Variants in CST8 observed in about 807,000 individuals in gnomAD.
CST8 encodes cystatin 8.
CST8 carries 20 observed loss-of-function variants against 11.8 expected under a neutral mutation model. The observed-to-expected ratio is 1.70, with a 90% confidence interval of 1.20 to 2.47. The LOEUF is 2.47. Among genes scored for constraint, CST8 ranks in the 30% most tolerant of loss-of-function variants. The pLI, the probability that CST8 is intolerant of heterozygous loss-of-function variation, is 0.00. For synonymous variants in CST8, 77 were observed against 63.1 expected (o/e 1.22, Z -1.05); for missense variants, 196 against 167.2 (o/e 1.17, Z -0.95).
At chr20:23,492,879 A>G in intron 2 of CST8, 79 bp from the exon 3 acceptor site, 2 of 842,528 alleles carry the variant, frequency 2.4e-6, no homozygotes, top group Admixed American at 1.8e-5. Flanking sequence ...GACGAGAGTA[A>G]GAGTAATTTT....
chr20:23,503,898 C>A, the CST8 span, among the ~76,000 whole-genome samples: 1 of 152,182 alleles, frequency 6.6e-6, no homozygotes, highest in African/African-American at 2.4e-5. Context: ...AAGGAGGATG[C>A]ACGCTCAGAG....
rs1987888023 is a variant in CST8 at position 23,491,718 on chromosome 20, C to A, written c.51C>A (p.Ala17=). Residue 17 remains alanine, a synonymous_variant, in exon 2 of 4, where the codon GCC becomes GCA. Coordinates refer to ENST00000246012, the MANE Select transcript of CST8 (RefSeq NM_005492.4). ...LSLILLTIPL[A]LVARKDPKKN... ...TGATCCTCCTCACCATTCCCCTGGC[C>A]CTGGTGGCCAGGAAAGACCCAAAAA... 1.9e-6 allele frequency: 3 copies of A among 1,613,856 alleles called. No individual in the cohort carries two copies. Among genetic ancestry groups the A allele is most frequent in the Admixed American group, 1.7e-5 (1 of 59,998 alleles).
At chr20:23,497,264 T>C (rs1988071185), downstream of CST8, among the ~76,000 whole-genome samples, 1 of 152,268 alleles carries the variant, frequency 6.6e-6, no homozygotes, top group South Asian at 2.1e-4. Context: ...TCTTCTGCCA[T>C]GGCTTCAGCC....
intron 2 of CST8, 82 bp from the exon 3 acceptor site, chr20:23,492,876 G>GT (rs1987929985): frequency 1.2e-6 from 1 of 837,806 alleles, no homozygotes; most frequent in African/African-American, 1.7e-5. Context: ...AAGGACGAGA[G>GT]TAAGAGTAAT....
the CST8 span, among the ~76,000 whole-genome samples, chr20:23,504,070 C>T: frequency 6.6e-6 from 1 of 152,222 alleles, no homozygotes; most frequent in South Asian, 2.1e-4. Context: ...AAAAAAGAAA[C>T]TTTTAATCTG....
chr20:23,505,091 G>A, the CST8 span, among the ~76,000 whole-genome samples: 1 of 150,810 alleles, frequency 6.6e-6, no homozygotes, highest in South Asian at 2.1e-4. Context: ...TGACCGTAAC[G>A]CACCCCTAGA....
At chr20:23,506,836 A>G in the CST8 span, among the ~76,000 whole-genome samples, 2 of 152,014 alleles carry the variant, frequency 1.3e-5, no homozygotes, top group Non-Finnish European at 2.9e-5. Context: ...AACTTGTTTC[A>G]TTGAGGATTT....
Position 23,492,967 on chromosome 20 carries a change from C to G in CST8, c.241C>G (p.Leu81Val). The G allele has an allele frequency of 6.3e-7, 1 of 1,595,178 alleles. No individual in the cohort carries two copies. The highest frequency in any genetic ancestry group is 8.6e-7 in the Non-Finnish European group (1 of 1,163,060). Residue 81 changes from leucine to valine, a missense_variant, in exon 3 of 4, where the codon CTT (leucine) becomes GTT (valine). Coordinates refer to ENST00000246012, the MANE Select transcript of CST8 (RefSeq NM_005492.4). ...TLQAQLQVTN[L>V]LEYLIDVEIA... Reference sequence around the variant, plus strand: ...AATTGCTAACCAACAGGTCACAAATCTTCTGGAATACCTTATTGATGTAGA... The same window carrying G: ...AATTGCTAACCAACAGGTCACAAATGTTCTGGAATACCTTATTGATGTAGA...
chr20:23,500,584 C>T (rs561142107), downstream of CST8, among the ~76,000 whole-genome samples: 269 of 152,312 alleles, frequency 1.8e-3, no homozygotes, highest in African/African-American at 6.0e-3. Context: ...CCTTCTCCTA[C>T]GTGGTTGGTA....
At chr20:23,500,926 G>T (rs539535980), downstream of CST8, among the ~76,000 whole-genome samples, 7 of 152,296 alleles carry the variant, frequency 4.6e-5, no homozygotes, top group Admixed American at 3.3e-4. Context: ...TTGGAAAAAG[G>T]CAGAGGGAGA....
downstream of CST8, among the ~76,000 whole-genome samples, chr20:23,497,655 G>A (rs886740517): frequency 3.3e-5 from 5 of 152,188 alleles, no homozygotes; most frequent in East Asian, 5.8e-4. Context: ...TCACAATCAC[G>A]GCAGAAGGTG....
chr20:23,499,776 A>G (rs1411908562), downstream of CST8, among the ~76,000 whole-genome samples: 1 of 152,184 alleles, frequency 6.6e-6, no homozygotes, highest in East Asian at 1.9e-4. Flanking sequence ...TCAGCTGAGG[A>G]CAATCTTGGG....
chr20:23,495,706 A>G, intron 3 of CST8, 125 bp from the exon 4 acceptor site: 1 of 703,256 alleles, frequency 1.4e-6, no homozygotes, highest in Non-Finnish European at 2.4e-6. Flanking sequence ...AGCTCGCTCG[A>G]GAGTGGTGAC....
In CST8 at chr20:23,491,848, G is replaced by A. The variant is rs146240379; in HGVS notation, c.181G>A (p.Glu61Lys). 14 of 1,614,202 alleles carry A rather than the reference G, an allele frequency of 8.7e-6. No individual in the cohort carries two copies. Among genetic ancestry groups the A allele is most frequent in the East Asian group, 4.5e-5 (2 of 44,876 alleles). The change falls in exon 2 of 4, where the codon GAG becomes AAG. Residue 61 changes from glutamate (E) to lysine (K), a missense_variant. Glu to Lys is a moderately conservative substitution (Grantham distance 56). Coordinates refer to ENST00000246012, the MANE Select transcript of CST8 (RefSeq NM_005492.4). ...CATGCAAGAATACAACAAAGAGAGCGAGGACAAGTATGTCTTCCTGGTGGT... is the reference window on the plus strand; with the variant it reads ...CATGCAAGAATACAACAAAGAGAGCAAGGACAAGTATGTCTTCCTGGTGGT... Reference protein sequence around the residue: ...FAMQEYNKESEDKYVFLVVKT... With the variant: ...FAMQEYNKESKDKYVFLVVKT...
downstream of CST8, among the ~76,000 whole-genome samples, chr20:23,498,950 G>T (rs898357628): frequency 7.2e-5 from 11 of 152,194 alleles, no homozygotes; most frequent in Non-Finnish European, 1.3e-4. Flanking sequence ...CCCAGTGGCT[G>T]CATGGACTTA....
At chr20:23,493,506 G>A (rs1013017996) in intron 3 of CST8, among the ~76,000 whole-genome samples, 3 of 152,192 alleles carry the variant, frequency 2.0e-5, no homozygotes, top group African/African-American at 4.8e-5. Context: ...CAGGTGCTAC[G>A]TGCTTTGCAC....
At position 23,491,645 on chromosome 20, in the gene CST8, C is replaced by T. The variant is rs1321192073; in HGVS notation, c.-23C>T. Reference sequence around the variant, plus strand: ...CTGAGACGACGAGGAGGAGAGTCGACTTTGCCTCTTGCCCAAGGGACCATG... The same window carrying T: ...CTGAGACGACGAGGAGGAGAGTCGATTTTGCCTCTTGCCCAAGGGACCATG... On this transcript the variant is annotated 5_prime_UTR_variant, in exon 2 of 4. Transcript: ENST00000246012. 1 of 1,590,762 alleles carries T rather than the reference C, an allele frequency of 6.3e-7. No individual in the cohort carries two copies. The highest frequency in any genetic ancestry group is 8.6e-7 in the Non-Finnish European group (1 of 1,159,416).
At chr20:23,501,557 C>G in the CST8 span, among the ~76,000 whole-genome samples, 1 of 152,154 alleles carries the variant, frequency 6.6e-6, no homozygotes, top group Non-Finnish European at 1.5e-5. Flanking sequence ...AGAAAAATAC[C>G]CAATGGCTAA....
downstream of CST8, among the ~76,000 whole-genome samples, chr20:23,500,024 CAG>C (rs1988145742): frequency 6.6e-6 from 1 of 150,460 alleles, no homozygotes; most frequent in African/African-American, 2.5e-5. Context: ...GAGAGAGAAA[CAG>C]AGAGGACAGA....
Sources: allele counts gnomAD v4.1 joint callset (sites outside exome capture counted in the v4.1 genomes callset), GRCh38; gene constraint gnomAD v4.1.1; transcripts MANE v1.5; gene names NCBI Gene and HGNC (gene_info 2026-07-23, HGNC 2026-07-21).